R3HCC1L: variants seen among roughly 807,000 people sequenced by gnomAD.
R3HCC1L encodes R3H domain and coiled-coil containing 1 like, also known as coiled-coil domain-containing protein R3HCC1L.
In R3HCC1L, 51 loss-of-function variants were observed where a neutral mutation model predicts 59.9. The observed-to-expected ratio is 0.85, with a 90% CI of 0.68 to 1.07. The LOEUF is 1.07. Ranked by LOEUF, R3HCC1L falls within the 50% of genes least tolerant of loss-of-function variation. The pLI, the probability that R3HCC1L is intolerant of heterozygous loss-of-function variation, is 0.00. For missense variants in R3HCC1L, 965 were observed against 933.0 expected (o/e 1.03, Z -0.45); for synonymous variants, 322 against 315.2 (o/e 1.02, Z -0.23).
chr10:98,234,337 C>T, intron 6 of R3HCC1L, 109 bp from the exon 7 acceptor site: 1 of 962,028 alleles, frequency 1.0e-6, no homozygotes, highest in Non-Finnish European at 1.6e-6. Flanking sequence ...CACCTGTGCA[C>T]TCGTTGAGTG....
chr10:98,235,330 A>AG, intron 7 of R3HCC1L, 95 bp from the exon 8 acceptor site: 1 of 1,042,728 alleles, frequency 9.6e-7, no homozygotes, highest in Non-Finnish European at 1.4e-6. Context: ...TTGAAAAAAA[A>AG]GCATAACATC....
chr10:98,177,053 T>C (rs1318329028), intron 4 of R3HCC1L, among the ~76,000 whole-genome samples: 1 of 152,192 alleles, frequency 6.6e-6, no homozygotes, highest in Non-Finnish European at 1.5e-5. Context: ...TATTATACTT[T>C]AAGTTCTAGG....
At chr10:98,136,568 C>A (rs546598977) in intron 1 of R3HCC1L, among the ~76,000 whole-genome samples, 1 of 152,180 alleles carries the variant, frequency 6.6e-6, no homozygotes, top group African/African-American at 2.4e-5. Flanking sequence ...AGACGCGGTG[C>A]CTCACGCCTG....
rs75722455 is a variant in R3HCC1L at position 98,210,580 on chromosome 10, T to G, written c.1785+681T>G. Among the ~76,000 whole-genome samples, 1,022 of 152,314 alleles carry G rather than the reference T, an allele frequency of 6.7e-3. 17 individuals carry two copies. Among genetic ancestry groups the G allele is most frequent in the African/African-American group, 0.023 (942 of 41,568 alleles). On this transcript the variant is annotated intron_variant, in intron 5 of 9. Transcript: ENST00000298999. ...ATTCCTTACCTTAAATAAGAATCAC[T>G]GGTTTTAAGTAGTAGAACACTCCCT...
At chr10:98,213,672 T>TA (rs1047941928) in intron 5 of R3HCC1L, among the ~76,000 whole-genome samples, 5 of 152,282 alleles carry the variant, frequency 3.3e-5, no homozygotes, top group East Asian at 1.9e-4. Context: ...TATTCCATTT[T>TA]AAAAAAATCT....
chr10:98,220,822 A>G (rs1854833513), intron 5 of R3HCC1L, among the ~76,000 whole-genome samples: 1 of 150,314 alleles, frequency 6.7e-6, no homozygotes, highest in Admixed American at 6.6e-5. Context: ...TATTGTGAAT[A>G]ATGCCGCAAT....
intron 5 of R3HCC1L, among the ~76,000 whole-genome samples, chr10:98,225,105 T>A (rs1855520371): frequency 6.6e-6 from 1 of 152,246 alleles, no homozygotes; most frequent in African/African-American, 2.4e-5. Context: ...ATTTTATACT[T>A]ACAGCATATC....
chr10:98,208,214 G>A lies in R3HCC1L; in HGVS notation c.100G>A (p.Gly34Ser), dbSNP rs764784738. Residue 34 changes from glycine to serine, a missense_variant, in exon 5 of 10, where the codon GGT becomes AGT. Coordinates refer to ENST00000298999, the MANE Select transcript of R3HCC1L (RefSeq NM_001351015.2). ...TAGGGGTGCAGTACTCCTTAAGACA[G>A]GTGATGAAGAAGAAAGCTGTGGTTC... ...ARRGAVLLKTGDEEESCGSPN... is the reference protein window; with the variant it reads ...ARRGAVLLKTSDEEESCGSPN... 1.9e-6 allele frequency: 3 copies of A among 1,614,056 alleles called. No homozygotes were observed. Among genetic ancestry groups the A allele is most frequent in the Middle Eastern group, 1.6e-4 (1 of 6,062 alleles).
chr10:98,241,904 C>G (rs1209085458), intron 9 of R3HCC1L, among the ~76,000 whole-genome samples: 3 of 152,102 alleles, frequency 2.0e-5, no homozygotes, highest in Non-Finnish European at 4.4e-5. Context: ...ACCTACATTT[C>G]TCTATTCTAT....
intron 4 of R3HCC1L, among the ~76,000 whole-genome samples, chr10:98,165,789 C>T (rs1174066378): frequency 6.6e-6 from 1 of 152,148 alleles, no homozygotes; most frequent in East Asian, 1.9e-4. Context: ...AATCTGGTCC[C>T]CAATGTGATG....
chr10:98,235,370 T>TAA, intron 7 of R3HCC1L, 55 bp from the exon 8 acceptor site: 2 of 1,471,286 alleles, frequency 1.4e-6, no homozygotes, highest in East Asian at 2.3e-5. Flanking sequence ...TCCCTAGTTT[T>TAA]TCCTTTGCAT....
chr10:98,244,100 G>C lies in R3HCC1L; in HGVS notation c.2279G>C (p.Arg760Pro), dbSNP rs762001537. ...CTGCTCTTATTTACAGAGAGAAAGCGGTTGGAAGCCAAGCAACGGGAAGAC... is the reference window on the plus strand; with the variant it reads ...CTGCTCTTATTTACAGAGAGAAAGCCGTTGGAAGCCAAGCAACGGGAAGAC... ...KKLQEARERK[R>P]LEAKQREDIW... Residue 760 changes from arginine (R) to proline (P), a missense_variant, in exon 10 of 10, where the codon CGG becomes CCG. By Grantham distance (103) the Arg-to-Pro change is moderately radical. Coordinates refer to ENST00000298999, the MANE Select transcript of R3HCC1L (RefSeq NM_001351015.2). 3.7e-6 allele frequency: 6 copies of C among 1,613,874 alleles called. No individual in the cohort carries two copies. In the East Asian group the frequency reaches 8.9e-5, roughly 24 times the overall value.
chr10:98,242,230 C>G (rs1477396791), intron 9 of R3HCC1L, among the ~76,000 whole-genome samples: 3 of 152,076 alleles, frequency 2.0e-5, no homozygotes. Flanking sequence ...GCCTGTTACT[C>G]AAGAGCTACT....
chr10:98,163,476 T>C, intron 4 of R3HCC1L, 79 bp downstream of exon 4: 4 of 930,282 alleles, frequency 4.3e-6, no homozygotes, highest in Non-Finnish European at 6.0e-6. Flanking sequence ...GTATTTTGTT[T>C]CTTCAGTTAT....
chr10:98,174,538 A>C, intron 4 of R3HCC1L: 2 of 916,934 alleles, frequency 2.2e-6, no homozygotes, highest in Non-Finnish European at 2.6e-6. Flanking sequence ...GTTGAATAAG[A>C]ATATAAAGGA....
intron 5 of R3HCC1L, among the ~76,000 whole-genome samples, chr10:98,227,347 C>T (rs930079971): frequency 6.6e-6 from 1 of 152,116 alleles, no homozygotes; most frequent in Non-Finnish European, 1.5e-5. Flanking sequence ...CACCTTCCTC[C>T]TTCTCCCAAT....
At chr10:98,198,100 C>A (rs1316331921) in intron 4 of R3HCC1L, among the ~76,000 whole-genome samples, 1 of 152,044 alleles carries the variant, frequency 6.6e-6, no homozygotes, top group Non-Finnish European at 1.5e-5. Context: ...ATTGAAATAT[C>A]AGGGATAGTG....
At chr10:98,236,217 G>C (rs1230052510) in intron 9 of R3HCC1L, 53 bp downstream of exon 9, 8 of 1,583,798 alleles carry the variant, frequency 5.1e-6, no homozygotes, top group African/African-American at 4.1e-5. Context: ...TCACTGTAAG[G>C]CATGTGTTTA....
chr10:98,183,466 A>T (rs534768760), intron 4 of R3HCC1L, among the ~76,000 whole-genome samples: 2 of 150,534 alleles, frequency 1.3e-5, no homozygotes, highest in African/African-American at 4.9e-5. Context: ...TGTTTATTTG[A>T]TGCTGCCTAG....
Sources: gnomAD v4.1 joint callset for allele counts (sites outside exome capture counted in the v4.1 genomes callset) on GRCh38, gnomAD v4.1.1 for gene constraint, MANE v1.5 for transcripts, NCBI Gene and HGNC (gene_info 2026-07-23, HGNC 2026-07-21) for gene names.